Variants in FGFR2 observed in about 807,000 individuals in gnomAD.
The protein encoded by FGFR2 is BEK fibroblast growth factor receptor.
Under a neutral mutation model 95.9 loss-of-function variants are expected in FGFR2, and 19 were observed. The observed-to-expected ratio is 0.20, with a 90% CI of 0.14 to 0.29. FGFR2 has a LOEUF of 0.29. Ranked by LOEUF, FGFR2 falls within the 10% of genes least tolerant of loss-of-function variation. FGFR2 has a pLI of 1.00. For synonymous variants in FGFR2, 392 were observed against 393.3 expected (o/e 1.00, Z 0.04); for missense variants, 707 against 1,056.9 (o/e 0.67, Z 4.59).
chr10:121,522,326 G>A (rs924372507), intron 6 of FGFR2, among the ~76,000 whole-genome samples: 5 of 152,226 alleles, frequency 3.3e-5, no homozygotes, highest in South Asian at 2.1e-4. Flanking sequence ...GAAGGCTGAC[G>A]CAGGAGGATT....
At chr10:121,523,939 C>A (rs1850921154) in intron 6 of FGFR2, among the ~76,000 whole-genome samples, 1 of 152,224 alleles carries the variant, frequency 6.6e-6, no homozygotes, top group South Asian at 2.1e-4. Flanking sequence ...GTGCTTTCAT[C>A]CCGCCTGACA....
intron 6 of FGFR2, among the ~76,000 whole-genome samples, chr10:121,535,610 C>T (rs756035913): frequency 3.3e-5 from 5 of 152,190 alleles, no homozygotes; most frequent in Admixed American, 6.5e-5. Context: ...GGTGAAGGCT[C>T]GCCACCTCCC....
chr10:121,556,135 C>CGGAT (rs199711702), intron 4 of FGFR2, among the ~76,000 whole-genome samples: 2 of 151,860 alleles, frequency 1.3e-5, no homozygotes, highest in Non-Finnish European at 2.9e-5. Flanking sequence ...GATGGACGGA[C>CGGAT]GGATGGATGG....
intron 13 of FGFR2, among the ~76,000 whole-genome samples, chr10:121,496,301 GAAGAGGTATCT>G (rs1345505323): frequency 6.6e-6 from 1 of 152,168 alleles, no homozygotes; most frequent in Non-Finnish European, 1.5e-5. Flanking sequence ...CTGTCTCAAA[GAAGAGGTATCT>G]TTTCTGCTCA....
At chr10:121,587,199 G>A (rs1187000543) in intron 2 of FGFR2, among the ~76,000 whole-genome samples, 9 of 152,174 alleles carry the variant, frequency 5.9e-5, no homozygotes, top group African/African-American at 2.2e-4. Context: ...TAACTGGCTA[G>A]CCACATGCAG....
intron 9 of FGFR2, among the ~76,000 whole-genome samples, chr10:121,506,006 A>C (rs939241260): frequency 2.0e-5 from 3 of 152,118 alleles, no homozygotes; most frequent in African/African-American, 7.2e-5. Context: ...ATCACCACTC[A>C]TTGCAGGGGG....
At chr10:121,592,895 C>T (rs1300590385) in intron 2 of FGFR2, among the ~76,000 whole-genome samples, 2 of 152,180 alleles carry the variant, frequency 1.3e-5, no homozygotes, top group African/African-American at 4.8e-5. Flanking sequence ...CCAATATTCC[C>T]TACTGATGAC....
At position 121,497,190 on chromosome 10, in the gene FGFR2, C is replaced by T. The variant is rs41293759; in HGVS notation, c.1673-468G>A. On this transcript the variant is annotated intron_variant, in intron 12 of 17. Transcript: ENST00000358487. The stretch of plus-strand genomic sequence containing the variant: ...AAAAGTTTTAACATACAGAAAAGCA[C>T]ACATAAAAATATGATTATAATCTCT... Among the ~76,000 whole-genome samples the T allele has an allele frequency of 6.9e-3, 1,033 of 149,432 alleles. 12 individuals carry two copies. Among genetic ancestry groups the T allele is most frequent in the African/African-American group, 0.024 (978 of 40,668 alleles).
At chr10:121,560,024 A>G (rs1449694546) in intron 4 of FGFR2, among the ~76,000 whole-genome samples, 1 of 152,160 alleles carries the variant, frequency 6.6e-6, no homozygotes, top group Admixed American at 6.5e-5. Context: ...GTCTCAATCC[A>G]TAGCGAGGGC....
In FGFR2 at chr10:121,496,768, TC is replaced by T. The variant is rs750190379; in HGVS notation, c.1673-47del. 4.5e-6 allele frequency: 7 copies of T among 1,558,972 alleles called. No homozygotes were observed. In the African/African-American group the frequency reaches 8.2e-5, roughly 18 times the overall value. On this transcript the variant is annotated intron_variant, in intron 12 of 17. Transcript: ENST00000358487. ...CTCCCTAAAGAGAGAATCCAGGGTC[TC>T]CCCTTGGGCAATTCAGCAAAACATT...
rs542132323 is a variant in FGFR2 at position 121,589,124 on chromosome 10, C to T, written c.109+4585G>A. 3.0e-4 allele frequency among the ~76,000 whole-genome samples: 45 copies of T among 152,306 alleles called. 1 individual carries two copies. The highest frequency in any genetic ancestry group is 2.3e-3 in the Admixed American group (35 of 15,294). The stretch of plus-strand genomic sequence containing the variant: ...CGGACCAGTACAGTGGAGAGTAGCA[C>T]ACCAGCTATATTTCCTACCTAGCTT... On this transcript the variant is annotated intron_variant, in intron 2 of 17. Coordinates refer to ENST00000358487, the MANE Select transcript of FGFR2 (RefSeq NM_000141.5).
intron 2 of FGFR2, among the ~76,000 whole-genome samples, chr10:121,581,852 C>T (rs553468388): frequency 5.9e-5 from 9 of 151,418 alleles, no homozygotes; most frequent in African/African-American, 1.9e-4. Context: ...CACATGCCTC[C>T]GGCCCATGCT....
At chr10:121,590,534 CAT>C (rs1247676846) in intron 2 of FGFR2, among the ~76,000 whole-genome samples, 3 of 152,108 alleles carry the variant, frequency 2.0e-5, no homozygotes, top group African/African-American at 7.2e-5. Flanking sequence ...CTGGAAAACT[CAT>C]ATTTAATCTG....
rs373889381 is a variant in FGFR2, at chr10:121,489,101, T to C, written c.1864-988A>G. Among the ~76,000 whole-genome samples the C allele has an allele frequency of 1.1e-4, 16 of 152,174 alleles. No individual in the cohort carries two copies. In the South Asian group the frequency reaches 3.1e-3, roughly 30 times the overall value. On this transcript the variant is annotated intron_variant, in intron 13 of 17. Transcript: ENST00000358487. ...GTTTTTTTTGTTTTAACATGGAGTC[T>C]TGTCCTTGTCGCCCAGGCTGGAGTG...
intron 6 of FGFR2, among the ~76,000 whole-genome samples, chr10:121,528,263 A>C (rs1274807941): frequency 6.6e-6 from 1 of 152,206 alleles, no homozygotes; most frequent in East Asian, 1.9e-4. Context: ...ATATTCACAC[A>C]GATGCCCACT....
intron 2 of FGFR2, among the ~76,000 whole-genome samples, chr10:121,585,907 G>A (rs1861750796): frequency 6.6e-6 from 1 of 152,216 alleles, no homozygotes. Context: ...GGCTCCTTAA[G>A]GCAGCCACAC....
In FGFR2 at chr10:121,515,143, G is replaced by A. The variant is rs1849534822; in HGVS notation, c.1261C>T (p.Arg421Cys). Residue 421 changes from arginine to cysteine, a missense_variant, in exon 9 of 18, where the codon CGT becomes TGT. Around this residue, in one of 7 missense-constraint regions of FGFR2, gnomAD observed 194 missense variants for 267.3 expected, o/e 0.73. Coordinates refer to ENST00000358487, the MANE Select transcript of FGFR2 (RefSeq NM_000141.5). ...GTTACCTGTCTCCGCAGGGGGATACGTTTGGTCAGCTTGTGCACAGCCGGC... is the reference window on the plus strand; with the variant it reads ...GTTACCTGTCTCCGCAGGGGGATACATTTGGTCAGCTTGTGCACAGCCGGC... ...SQPAVHKLTKRIPLRRQVTVS... is the reference protein window; with the variant it reads ...SQPAVHKLTKCIPLRRQVTVS... 2.5e-6 allele frequency: 4 copies of A among 1,614,072 alleles called. No homozygotes were observed. Among genetic ancestry groups the A allele is most frequent in the African/African-American group, 1.3e-5 (1 of 74,926 alleles).
intron 2 of FGFR2, among the ~76,000 whole-genome samples, chr10:121,580,433 G>C (rs997481249): frequency 6.6e-6 from 1 of 150,974 alleles, no homozygotes; most frequent in Non-Finnish European, 1.5e-5. Context: ...GGGTTTGAAC[G>C]GTCTGCTTGA....
At chr10:121,514,479 C>T (rs1200032491) in intron 9 of FGFR2, among the ~76,000 whole-genome samples, 1 of 152,140 alleles carries the variant, frequency 6.6e-6, no homozygotes, top group African/African-American at 2.4e-5. Flanking sequence ...TTGCTGGTTC[C>T]ATACAAATAT....
Sources: allele counts gnomAD v4.1 joint callset (sites outside exome capture counted in the v4.1 genomes callset), GRCh38; gene constraint gnomAD v4.1.1; regional missense constraint gnomAD v4.1.1; transcripts MANE v1.5; gene names NCBI Gene and HGNC (gene_info 2026-07-23, HGNC 2026-07-21).